PDCD6: variants seen among roughly 807,000 people sequenced by gnomAD.
PDCD6 encodes programmed cell death 6, also known as programmed cell death protein 6.
A neutral mutation model predicts 28.3 loss-of-function variants in PDCD6; 12 were observed. That is an observed-to-expected ratio of 0.42 (90% CI 0.27 to 0.69). The LOEUF (loss-of-function observed/expected upper bound fraction) is 0.69, where lower values mean the gene tolerates loss of function less well. Ranked by LOEUF, PDCD6 falls within the 30% of genes least tolerant of loss-of-function variation. PDCD6 has a pLI of 0.22. For synonymous variants in PDCD6, 92 were observed against 108.0 expected, an observed-to-expected ratio of 0.85 and a Z score of 0.92; for missense variants, 226 against 269.9, an observed-to-expected ratio of 0.84 and a Z score of 1.14.
chr5:290,057 T>A, intron 2 of PDCD6: 3 of 1,585,686 alleles, frequency 1.9e-6, no homozygotes, highest in Non-Finnish European at 1.7e-6. Context: ...CCAGTGACAA[T>A]TCTCAGTATT....
intron 2 of PDCD6, among the ~76,000 whole-genome samples, chr5:296,524 G>T (rs1413277091): frequency 6.6e-6 from 1 of 152,270 alleles, no homozygotes; most frequent in Non-Finnish European, 1.5e-5. Flanking sequence ...GTCAGCCAGT[G>T]CAAGGCGAGT....
chr5:306,346 A>T, intron 3 of PDCD6: 1 of 440,642 alleles, frequency 2.3e-6, no homozygotes, highest in East Asian at 3.7e-5. Context: ...CCTGCCTCAC[A>T]GCTGCAAGTG....
chr5:309,380 C>T (rs1293041005), intron 4 of PDCD6: 1 of 155,706 alleles, frequency 6.4e-6, no homozygotes, highest in Non-Finnish European at 1.4e-5. Context: ...GTTTGTTCAT[C>T]CCTCATTTTG....
At position 311,373 on chromosome 5, in the gene PDCD6, G is replaced by A. The variant is rs1378816110; in HGVS notation, c.448G>A (p.Asp150Asn). 7.4e-6 allele frequency: 12 copies of A among 1,613,710 alleles called. No individual in the cohort carries two copies. The highest frequency in any genetic ancestry group is 1.3e-5 in the African/African-American group (1 of 74,928). Reference protein sequence around the residue: ...RQGRGQIAFDDFIQGCIVLQR... With the variant: ...RQGRGQIAFDNFIQGCIVLQR... ...GGGACGGGGGCAGATTGCCTTCGAC[G>A]ACTTCATCCAGGGCTGCATCGTCCT... The change falls in exon 5 of 6, where the codon GAC (aspartate) becomes AAC (asparagine). Residue 150 changes from aspartate (D) to asparagine (N), a missense_variant. Transcript: ENST00000264933.
At chr5:275,096 C>T (rs1368105328) in intron 2 of PDCD6, among the ~76,000 whole-genome samples, 4 of 152,162 alleles carry the variant, frequency 2.6e-5, no homozygotes, top group South Asian at 2.1e-4. Flanking sequence ...GAAGCCCCAC[C>T]GCCCTTCAGG....
rs151234717 is a variant in PDCD6 at position 282,385 on chromosome 5, ATGT to A, written c.163+9617_163+9619del. On this transcript the variant is annotated intron_variant, in intron 2 of 5. Coordinates refer to ENST00000264933, the MANE Select transcript of PDCD6 (RefSeq NM_013232.4). ...GAGTTGGAGGCCTGGAGAGGAGCTGATGTTGTAGTTTGAGCATCTTGCCAGCTG... is the reference window on the plus strand; with the variant it reads ...GAGTTGGAGGCCTGGAGAGGAGCTGATGTAGTTTGAGCATCTTGCCAGCTG... Among the ~76,000 whole-genome samples, 109 of 151,274 alleles carry A rather than the reference ATGT, an allele frequency of 7.2e-4. 1 individual carries two copies. The East Asian group carries it at 0.018, about 25-fold the overall frequency.
chr5:277,450 C>T (rs368149492), intron 2 of PDCD6, among the ~76,000 whole-genome samples: 1 of 151,898 alleles, frequency 6.6e-6, no homozygotes, highest in Non-Finnish European at 1.5e-5. Flanking sequence ...TACAGGCACC[C>T]GCCACCATGC....
At chr5:287,932 A>G (rs531381992) in intron 2 of PDCD6, among the ~76,000 whole-genome samples, 1 of 152,378 alleles carries the variant, frequency 6.6e-6, no homozygotes, top group South Asian at 2.1e-4. Context: ...AGATGGCCTC[A>G]TATCAGCTTC....
intron 2 of PDCD6, among the ~76,000 whole-genome samples, chr5:285,962 T>A (rs552101180): frequency 6.6e-6 from 1 of 151,778 alleles, no homozygotes; most frequent in East Asian, 1.9e-4. Flanking sequence ...GTAGCTGATG[T>A]TCCAGTTTGA....
intron 2 of PDCD6, among the ~76,000 whole-genome samples, chr5:291,093 G>A (rs1321301961): frequency 6.6e-6 from 1 of 151,962 alleles, no homozygotes; most frequent in African/African-American, 2.4e-5. Context: ...CTGAGTCCCG[G>A]GTCCCTTCCC....
At position 289,027 on chromosome 5, in the gene PDCD6, G is replaced by C. The variant is rs771316573; in HGVS notation, c.164-15150G>C. ...GAATGTAGTAAATCTTTCTCAGCTT[G>C]AGACACATCAGATTCCTCCATTTGA... On this transcript the variant is annotated intron_variant, in intron 2 of 5. Coordinates refer to ENST00000264933, the MANE Select transcript of PDCD6 (RefSeq NM_013232.4). The C allele has an allele frequency of 5.5e-6, 7 of 1,263,504 alleles. No homozygotes were observed. The East Asian group carries it at 1.6e-4, about 29-fold the overall frequency. The allele number at this position is 1,263,504 out of a possible 1,614,324, so 78.3% of individuals were successfully genotyped here. A position where few individuals can be genotyped will look rare whatever the true frequency, so the allele number is the denominator to read the frequency against.
intron 2 of PDCD6, chr5:289,885 A>G: frequency 6.6e-7 from 1 of 1,509,508 alleles, no homozygotes. Flanking sequence ...CATTCGATTT[A>G]AACTATTGGA....
chr5:279,800 A>AC (rs1252584920), intron 2 of PDCD6, among the ~76,000 whole-genome samples: 7 of 148,560 alleles, frequency 4.7e-5, no homozygotes, highest in African/African-American at 7.7e-5. Flanking sequence ...AAAAAAAAAA[A>AC]AAAAAACGAG....
intron 4 of PDCD6, 134 bp from the exon 5 acceptor site, chr5:311,159 A>C: frequency 1.4e-6 from 1 of 694,536 alleles, no homozygotes; most frequent in Non-Finnish European, 2.6e-6. Context: ...CTTTGAGGGA[A>C]TTTGCACTTC....
chr5:311,482 C>A, intron 5 of PDCD6, 80 bp downstream of exon 5: 2 of 901,228 alleles, frequency 2.2e-6, no homozygotes, highest in Non-Finnish European at 3.7e-6. Context: ...GACCTTCAAT[C>A]TAAGGAGCTG....
At chr5:288,739 G>T (rs1299456923) in intron 2 of PDCD6, 11 of 548,328 alleles carry the variant, frequency 2.0e-5, no homozygotes, top group Non-Finnish European at 3.3e-5. Flanking sequence ...TGCTTTTCTT[G>T]TAAAACTAAA....
At chr5:312,092 C>CT (rs1399058340) in intron 5 of PDCD6, 1 of 152,436 alleles carries the variant, frequency 6.6e-6, no homozygotes, top group Non-Finnish European at 1.5e-5. Flanking sequence ...GCTGTGGAGC[C>CT]TGTGGTCGCT....
intron 2 of PDCD6, among the ~76,000 whole-genome samples, chr5:296,389 A>T (rs1471450707): frequency 6.6e-6 from 1 of 152,070 alleles, no homozygotes; most frequent in African/African-American, 2.4e-5. Context: ...CCCCACGTGC[A>T]CCTGGGCACG....
chr5:294,196 T>C (rs1003355784), intron 2 of PDCD6, among the ~76,000 whole-genome samples: 1 of 151,798 alleles, frequency 6.6e-6, no homozygotes, highest in Non-Finnish European at 1.5e-5. Context: ...ATTGACAAAT[T>C]AAATTGTCAT....
Sources: gnomAD v4.1 joint callset for allele counts (sites outside exome capture counted in the v4.1 genomes callset) on GRCh38, gnomAD v4.1.1 for gene constraint, MANE v1.5 for transcripts, NCBI Gene and HGNC (gene_info 2026-07-23, HGNC 2026-07-21) for gene names.